Variants in ISY1 observed in about 807,000 individuals in gnomAD.
The protein encoded by ISY1 is ISY1 spliceosome associated protein.
In ISY1, 12 loss-of-function variants were observed where a neutral mutation model predicts 54.4. That is an observed-to-expected ratio of 0.22 (90% CI 0.14 to 0.36). The LOEUF is 0.36. Ranked by LOEUF, ISY1 falls within the 10% of genes least tolerant of loss-of-function variation. ISY1 has a pLI of 1.00. For missense variants in ISY1, 282 were observed against 342.2 expected (o/e 0.82, Z 1.39); for synonymous variants, 96 against 117.9 (o/e 0.81, Z 1.20).
chr3:129,151,861 A>AT (rs1041567308), intron 5 of ISY1, among the ~76,000 whole-genome samples: 3 of 151,750 alleles, frequency 2.0e-5, no homozygotes, highest in Admixed American at 6.6e-5. Flanking sequence ...TGGGTTTCTT[A>AT]TAAGTACTTT....
chr3:129,159,179 G>C lies in ISY1; in HGVS notation c.4-3C>G, dbSNP rs1381243176. 8.8e-6 allele frequency: 14 copies of C among 1,598,506 alleles called. No homozygotes were observed. Among genetic ancestry groups the C allele is most frequent in the African/African-American group, 1.4e-5 (1 of 73,872 alleles). On this transcript the variant is annotated splice_polypyrimidine_tract_variant and splice_region_variant and intron_variant, in intron 1 of 10. Transcript: ENST00000393295. Reference sequence around the variant, plus strand: ...ATGGCCTTTTCTGCATTTCGGGCCTGGAAAGAGAGAAAAGAGAAGAAAAAT... The same window carrying C: ...ATGGCCTTTTCTGCATTTCGGGCCTCGAAAGAGAGAAAAGAGAAGAAAAAT...
At position 129,127,559 on chromosome 3, in the gene ISY1, T is replaced by G. The variant is rs1936124528; in HGVS notation, c.*2522A>C. On this transcript the variant is annotated 3_prime_UTR_variant, in exon 11 of 11. Transcript: ENST00000393295. Reference sequence around the variant, plus strand: ...CCCCAGCTGTTTCCAGGCCTGGGACTGGAGCCCTGCTGAGACCTTGTCCCA... The same window carrying G: ...CCCCAGCTGTTTCCAGGCCTGGGACGGGAGCCCTGCTGAGACCTTGTCCCA... 6.6e-6 allele frequency: 1 copy of G among 152,258 alleles called. No individual in the cohort carries two copies. Among genetic ancestry groups the G allele is most frequent in the African/African-American group, 2.4e-5 (1 of 41,440 alleles). The allele number at this position is 152,258 out of a possible 1,614,324, so 9.4% of individuals were successfully genotyped here. A position where few individuals can be genotyped will look rare whatever the true frequency, so the allele number is the denominator to read the frequency against.
At position 129,134,130 on chromosome 3, in the gene ISY1, C is replaced by T. The variant is rs773634203; in HGVS notation, c.607G>A (p.Glu203Lys). 1.2e-6 allele frequency: 2 copies of T among 1,614,156 alleles called. No individual in the cohort carries two copies. Among genetic ancestry groups the T allele is most frequent in the East Asian group, 4.5e-5 (2 of 44,886 alleles). The part of the protein sequence containing the change: ...REARLARGEK[E>K]EEEEEEEEIN... ...TCTTCCTCCTCTTCCTCCTCCTCTT[C>T]CTTTTCTCCTCTTGCCAGCCGAGCC... The change falls in exon 9 of 11, where the codon GAA becomes AAA. Residue 203 changes from glutamate (E) to lysine (K), a missense_variant. Transcript: ENST00000393295.
chr3:129,139,692 G>A (rs529173107), intron 7 of ISY1, among the ~76,000 whole-genome samples: 1 of 151,866 alleles, frequency 6.6e-6, no homozygotes, highest in East Asian at 1.9e-4. Context: ...GTCCAGGCTG[G>A]AGTGCAATGG....
chr3:129,147,626 T>C (rs1468407216), intron 5 of ISY1, among the ~76,000 whole-genome samples: 1 of 152,168 alleles, frequency 6.6e-6, no homozygotes, highest in East Asian at 1.9e-4. Context: ...TTTTTTTTAT[T>C]GACTTTCCAA....
rs554992136 is a variant in ISY1, at chr3:129,129,100, G to A, written c.*981C>T. The A allele has an allele frequency of 6.6e-6, 1 of 152,422 alleles. No individual in the cohort carries two copies. The highest frequency in any genetic ancestry group is 1.9e-4 in the East Asian group (1 of 5,170). The allele number at this position is 152,422 out of a possible 1,614,324, so 9.4% of individuals were successfully genotyped here. ...TCAGGGACTCCCCTGCAGGAAGGCA[G>A]TGCCCCTTAGTGACTGGTCACATCC... On this transcript the variant is annotated 3_prime_UTR_variant, in exon 11 of 11. Transcript: ENST00000393295.
chr3:129,136,533 C>T (rs771654977), intron 7 of ISY1, among the ~76,000 whole-genome samples: 5 of 151,646 alleles, frequency 3.3e-5, no homozygotes, highest in Admixed American at 6.6e-5. Flanking sequence ...GACGGAGTCT[C>T]GCTCTTGTTG....
intron 6 of ISY1, among the ~76,000 whole-genome samples, chr3:129,145,442 TG>T (rs781488746): frequency 6.6e-6 from 1 of 152,086 alleles, no homozygotes; most frequent in Non-Finnish European, 1.5e-5. Flanking sequence ...AGGCTTGACT[TG>T]AACTCCTGAC....
chr3:129,144,418 T>TA (rs1008763583), intron 6 of ISY1, among the ~76,000 whole-genome samples: 20 of 152,334 alleles, frequency 1.3e-4, no homozygotes, highest in African/African-American at 2.4e-4. Context: ...GGTTATGTGT[T>TA]AGACTTTCAC....
chr3:129,135,556 C>A (rs541179263), intron 7 of ISY1, among the ~76,000 whole-genome samples: 1 of 151,734 alleles, frequency 6.6e-6, no homozygotes. Context: ...ACGAGGTCAG[C>A]AGTTCAAGAC....
chr3:129,138,852 A>AG (rs1936518377), intron 7 of ISY1, among the ~76,000 whole-genome samples: 1 of 151,830 alleles, frequency 6.6e-6, no homozygotes, highest in Non-Finnish European at 1.5e-5. Context: ...AAGAAACTGG[A>AG]GGGAACAATG....
At chr3:129,153,281 G>A (rs1937031299) in intron 5 of ISY1, among the ~76,000 whole-genome samples, 1 of 151,992 alleles carries the variant, frequency 6.6e-6, no homozygotes, top group Non-Finnish European at 1.5e-5. Flanking sequence ...AAGTGCTGCA[G>A]TTACAGGCGT....
chr3:129,127,893 C>G lies in ISY1; in HGVS notation c.*2188G>C, dbSNP rs1345140107. ...AGAAGGAAGGCCTGATGTCTGGATT[C>G]CCCATTCTCTTCTGAATGCCAGGAA... On this transcript the variant is annotated 3_prime_UTR_variant, in exon 11 of 11. Transcript: ENST00000393295. 6.6e-6 allele frequency: 1 copy of G among 152,258 alleles called. No homozygotes were observed. Among genetic ancestry groups the G allele is most frequent in the Non-Finnish European group, 1.5e-5 (1 of 68,052 alleles). The allele number at this position is 152,258 out of a possible 1,614,324, so 9.4% of individuals were successfully genotyped here. A position where few individuals can be genotyped will look rare whatever the true frequency, so the allele number is the denominator to read the frequency against.
intron 2 of ISY1, among the ~76,000 whole-genome samples, chr3:129,158,863 C>G (rs1937220463): frequency 6.6e-6 from 1 of 152,152 alleles, no homozygotes; most frequent in Non-Finnish European, 1.5e-5. Context: ...TGTTAAAAGA[C>G]TAACATCATG....
intron 6 of ISY1, among the ~76,000 whole-genome samples, chr3:129,145,174 G>A (rs1049788016): frequency 4.6e-5 from 7 of 151,386 alleles, no homozygotes; most frequent in African/African-American, 1.5e-4. Context: ...GCCTCCCAAA[G>A]TGCTAGGATT....
intron 2 of ISY1, among the ~76,000 whole-genome samples, chr3:129,158,905 C>T (rs1211198452): frequency 1.3e-5 from 2 of 152,188 alleles, no homozygotes; most frequent in African/African-American, 4.8e-5. Flanking sequence ...CTCACAACCC[C>T]TGCACCAACC....
chr3:129,148,755 G>C (rs757366501), intron 5 of ISY1, among the ~76,000 whole-genome samples: 1 of 151,868 alleles, frequency 6.6e-6, no homozygotes. Context: ...TTTTAGTAGA[G>C]ATGGGATTTT....
At chr3:129,152,867 C>T (rs1307787407) in intron 5 of ISY1, among the ~76,000 whole-genome samples, 1 of 152,158 alleles carries the variant, frequency 6.6e-6, no homozygotes, top group Non-Finnish European at 1.5e-5. Flanking sequence ...AGTGTTCCCT[C>T]TTCTTCCATT....
At chr3:129,152,241 T>A (rs1936993483) in intron 5 of ISY1, among the ~76,000 whole-genome samples, 1 of 152,158 alleles carries the variant, frequency 6.6e-6, no homozygotes, top group South Asian at 2.1e-4. Flanking sequence ...TGAATAAACG[T>A]CTAATTTTGT....
Sources: allele counts gnomAD v4.1 joint callset (sites outside exome capture counted in the v4.1 genomes callset), GRCh38; gene constraint gnomAD v4.1.1; transcripts MANE v1.5; gene names NCBI Gene and HGNC (gene_info 2026-07-23, HGNC 2026-07-21).